The following PRKCH variants were observed in gnomAD, a reference collection of about 807,000 sequenced individuals.
The protein encoded by PRKCH is protein kinase C eta type.
Under a neutral mutation model 82.5 loss-of-function variants are expected in PRKCH, and 28 were observed. That is an observed-to-expected ratio of 0.34 (90% CI 0.25 to 0.47). PRKCH has a LOEUF of 0.47. Among genes scored for constraint, PRKCH ranks in the 20% least tolerant of loss-of-function variants. The pLI is 1.00. For synonymous variants in PRKCH, 322 were observed against 327.4 expected, an observed-to-expected ratio of 0.98 and a Z score of 0.18; for missense variants, 705 against 881.8, an observed-to-expected ratio of 0.80 and a Z score of 2.54.
rs980903183 is a variant in PRKCH at position 61,530,517 on chromosome 14, C to G, written c.1683C>G (p.Asp561Glu). 1.2e-6 allele frequency: 2 copies of G among 1,612,272 alleles called. No homozygotes were observed. The highest frequency in any genetic ancestry group is 2.7e-5 in the African/African-American group (2 of 74,902). ...CTTTTGAGGCAGAGAACGAAGATGACCTCTTTGAGGCCATACTGAATGATG... is the reference window on the plus strand; with the variant it reads ...CTTTTGAGGCAGAGAACGAAGATGAGCTCTTTGAGGCCATACTGAATGATG... ...HAPFEAENED[D>E]LFEAILNDEV... is the part of the protein sequence containing the mutation. The change falls in exon 12 of 14, where the codon GAC becomes GAG. Residue 561 changes from aspartate to glutamate, a missense_variant. By Grantham distance (45) the Asp-to-Glu change is conservative. Around this residue, in one of 5 missense-constraint regions of PRKCH, gnomAD observed 115 missense variants for 193.8 expected, o/e 0.59. Transcript: ENST00000332981.
intron 12 of PRKCH, among the ~76,000 whole-genome samples, chr14:61,546,170 C>T (rs1342490623): frequency 6.6e-6 from 1 of 152,220 alleles, no homozygotes; most frequent in Non-Finnish European, 1.5e-5. Flanking sequence ...GCCTGCATTG[C>T]ACAGGCTTAC....
rs144793166 is a variant in PRKCH, at chr14:61,350,359, G to C, written c.363+27895G>C. 5.2e-3 allele frequency among the ~76,000 whole-genome samples: 788 copies of C among 152,212 alleles called. 4 individuals carry two copies. The highest frequency in any genetic ancestry group is 8.2e-3 in the Non-Finnish European group (558 of 68,010). On this transcript the variant is annotated intron_variant, in intron 1 of 13. Coordinates refer to ENST00000332981, the MANE Select transcript of PRKCH (RefSeq NM_006255.5). ...GTGCCCTTGCCCCGCCTGTTTCTTT[G>C]TATACAAACAGTATACAAAACATAG...
intron 1 of PRKCH, among the ~76,000 whole-genome samples, chr14:61,234,142 A>G (rs1240746396): frequency 5.9e-5 from 9 of 152,250 alleles, no homozygotes; most frequent in African/African-American, 1.9e-4. Flanking sequence ...ATATAGCTGC[A>G]TTCACTGTTA....
intron 1 of PRKCH, among the ~76,000 whole-genome samples, chr14:61,350,698 C>A (rs914558124): frequency 1.3e-5 from 2 of 152,162 alleles, no homozygotes; most frequent in African/African-American, 4.8e-5. Flanking sequence ...CAACGCTTTA[C>A]CCAGCATCCC....
At position 61,368,658 on chromosome 14, in the gene PRKCH, A is replaced by G. The variant is rs561121126; in HGVS notation, c.364-22567A>G. 1.8e-4 allele frequency among the ~76,000 whole-genome samples: 27 copies of G among 152,260 alleles called. 1 individual carries two copies. The South Asian group carries it at 4.1e-3, about 23-fold the overall frequency. ...TCACCTCCTCTCTTACAGACTGCGGAGCTAAAGTGGGCTGCTGGTTGGAAT... is the reference window on the plus strand; with the variant it reads ...TCACCTCCTCTCTTACAGACTGCGGGGCTAAAGTGGGCTGCTGGTTGGAAT... On this transcript the variant is annotated intron_variant, in intron 1 of 13. Transcript: ENST00000332981.
intron 1 of PRKCH, among the ~76,000 whole-genome samples, chr14:61,288,132 C>T (rs2045330846): frequency 6.6e-6 from 1 of 152,098 alleles, no homozygotes; most frequent in African/African-American, 2.4e-5. Context: ...TTTAGGAAAA[C>T]TCAGGTGCCC....
chr14:61,265,878 AG>A (rs2045095157), intron 1 of PRKCH, among the ~76,000 whole-genome samples: 1 of 152,108 alleles, frequency 6.6e-6, no homozygotes, highest in African/African-American at 2.4e-5. Flanking sequence ...GAGGATCACT[AG>A]AGGTGAGGAG....
chr14:61,431,408 A>G (rs1883390458), intron 2 of PRKCH, among the ~76,000 whole-genome samples: 1 of 152,160 alleles, frequency 6.6e-6, no homozygotes, highest in Non-Finnish European at 1.5e-5. Flanking sequence ...TTCCACGTGT[A>G]CTTTGCTTCC....
chr14:61,389,931 T>C (rs2046650136), intron 1 of PRKCH, among the ~76,000 whole-genome samples: 1 of 152,186 alleles, frequency 6.6e-6, no homozygotes, highest in Non-Finnish European at 1.5e-5. Flanking sequence ...CATTCGTATC[T>C]CTAGTGAAAC....
At chr14:61,248,924 C>G (rs1469029184) in intron 1 of PRKCH, among the ~76,000 whole-genome samples, 1 of 152,046 alleles carries the variant, frequency 6.6e-6, no homozygotes, top group East Asian at 1.9e-4. Context: ...GCCTCAGCCT[C>G]CCAAGTAGCT....
chr14:61,246,535 TCAAATTATATCTCCCA>T (rs2044884986), intron 1 of PRKCH, among the ~76,000 whole-genome samples: 1 of 152,082 alleles, frequency 6.6e-6, no homozygotes, highest in Non-Finnish European at 1.5e-5. Flanking sequence ...CTTTCTCCCT[TCAAATTATATCTCCCA>T]CAGAACCATC....
At chr14:61,220,633 T>C (rs77423460) in intron 1 of PRKCH, among the ~76,000 whole-genome samples, 1,655 of 152,238 alleles carry the variant, frequency 0.011, 20 homozygotes, top group African/African-American at 0.038. Flanking sequence ...CAGGAGGATA[T>C]AGTAAGAAAC....
intron 1 of PRKCH, among the ~76,000 whole-genome samples, chr14:61,346,219 G>A (rs947002891): frequency 1.3e-5 from 2 of 152,030 alleles, no homozygotes; most frequent in Admixed American, 6.6e-5. Context: ...TAATGAATGA[G>A]GTATCAAATG....
intron 2 of PRKCH, among the ~76,000 whole-genome samples, chr14:61,423,471 G>T (rs1882962755): frequency 6.6e-6 from 1 of 152,322 alleles, no homozygotes; most frequent in African/African-American, 2.4e-5. Context: ...ATGATGCAGT[G>T]ACTGAGTAAG....
chr14:61,358,312 G>A (rs548052433), intron 1 of PRKCH, among the ~76,000 whole-genome samples: 1 of 152,264 alleles, frequency 6.6e-6, no homozygotes, highest in Non-Finnish European at 1.5e-5. Context: ...TTCTCTTTCA[G>A]TTTCCCTCAT....
intron 2 of PRKCH, among the ~76,000 whole-genome samples, chr14:61,418,381 A>C (rs1176944857): frequency 6.6e-6 from 1 of 152,226 alleles, no homozygotes; most frequent in Non-Finnish European, 1.5e-5. Context: ...CATCAAAATA[A>C]ATTTTAGCAC....
At chr14:61,388,728 TCTAGAGAG>T (rs2046628376) in intron 1 of PRKCH, among the ~76,000 whole-genome samples, 1 of 152,236 alleles carries the variant, frequency 6.6e-6, no homozygotes, top group South Asian at 2.1e-4. Flanking sequence ...TAGTCATCTC[TCTAGAGAG>T]CTCTATTTTC....
intron 1 of PRKCH, among the ~76,000 whole-genome samples, chr14:61,201,023 G>A (rs1247650230): frequency 6.6e-6 from 1 of 152,138 alleles, no homozygotes; most frequent in Non-Finnish European, 1.5e-5. Flanking sequence ...GTTTAAACAT[G>A]AAGCAAACTA....
chr14:61,328,147 G>T (rs1447472390), intron 1 of PRKCH, among the ~76,000 whole-genome samples: 1 of 151,250 alleles, frequency 6.6e-6, no homozygotes, highest in Non-Finnish European at 1.5e-5. Flanking sequence ...CTACTCGGGA[G>T]GCTGAGGCAG....
Sources: gnomAD v4.1 joint callset for allele counts (sites outside exome capture counted in the v4.1 genomes callset) on GRCh38, gnomAD v4.1.1 for gene constraint, gnomAD v4.1.1 regional missense constraint, MANE v1.5 for transcripts, NCBI Gene and HGNC (gene_info 2026-07-23, HGNC 2026-07-21) for gene names.